The following OGFR variants were observed in gnomAD, a reference collection of about 807,000 sequenced individuals.
OGFR encodes the protein protein 7-60.
A neutral mutation model predicts 33.6 loss-of-function variants in OGFR; 18 were observed. That is an observed-to-expected ratio of 0.54 (90% CI 0.37 to 0.80). The LOEUF is 0.80. Among genes scored for constraint, OGFR ranks in the 30% least tolerant of loss-of-function variants. OGFR has a pLI of 0.00. For synonymous variants in OGFR, 370 were observed against 400.7 expected (o/e 0.92, Z 0.91); for missense variants, 877 against 955.8 (o/e 0.92, Z 1.09).
chr20:62,809,646 T>A lies in OGFR; in HGVS notation c.381T>A (p.Asn127Lys). ...WTDNYDLLED[N>K]HSYIQWLFPL... is the part of the protein sequence containing the mutation. The stretch of plus-strand genomic sequence containing the variant: ...ACAACTATGACCTCCTTGAGGACAA[T>A]CACTCCTACATCCAGTGGTGAGTTG... The change falls in exon 4 of 7, where the codon AAT becomes AAA. Residue 127 changes from asparagine to lysine, a missense_variant. Transcript: ENST00000290291. 1.3e-6 allele frequency: 2 copies of A among 1,538,304 alleles called. No homozygotes were observed. The highest frequency in any genetic ancestry group is 2.8e-5 in the East Asian group (1 of 36,264).
intron 3 of OGFR, among the ~76,000 whole-genome samples, chr20:62,808,999 A>T (rs1990662918): frequency 1.4e-5 from 2 of 144,610 alleles, no homozygotes; most frequent in African/African-American, 2.6e-5. Context: ...AAAAAAAAAA[A>T]AAAAGAACAG....
chr20:62,809,613 C>T lies in OGFR; in HGVS notation c.348C>T (p.Asn116=). 2 of 1,600,958 alleles carry T rather than the reference C, an allele frequency of 1.2e-6. No individual in the cohort carries two copies. Among genetic ancestry groups the T allele is most frequent in the Middle Eastern group, 1.7e-4 (1 of 5,986 alleles). ...NGCFIEDILQ[N]WTDNYDLLED... is the part of the protein sequence containing the mutation. ...GTTTCATTGAGGACATTCTTCAGAA[C>T]TGGACGGACAACTATGACCTCCTTG... The change falls in exon 4 of 7, where the codon AAC becomes AAT. Residue 116 remains asparagine, a synonymous_variant. Transcript: ENST00000290291.
Position 62,804,971 on chromosome 20 carries a change from G to T in OGFR, c.112G>T (p.Ala38Ser), listed in dbSNP as rs895562313. 8 of 1,488,800 alleles carry T rather than the reference G, an allele frequency of 5.4e-6. No homozygotes were observed. The highest frequency in any genetic ancestry group is 7.1e-6 in the Non-Finnish European group (8 of 1,120,504). The allele number at this position is 1,488,800 out of a possible 1,614,324, so 92.2% of individuals were successfully genotyped here. A position where few individuals can be genotyped will look rare whatever the true frequency, so the allele number is the denominator to read the frequency against. ...GGCCGCCGGCGCGAGGGACGCGGAC[G>T]CAGGGGACGAGGACGAGGAGTCGGA... ...GEAAGARDADAGDEDEESEEP... is the reference protein window; with the variant it reads ...GEAAGARDADSGDEDEESEEP... Residue 38 changes from alanine (A) to serine (S), a missense_variant, in exon 1 of 7, where the codon GCA (alanine) becomes TCA (serine). By Grantham distance (99) the Ala-to-Ser change is moderately conservative (BLOSUM62 1). This residue lies in a region of OGFR where 760 missense variants were observed against 736.0 expected (regional missense o/e 1.03). Transcript: ENST00000290291.
chr20:62,813,053 G>C lies in OGFR; in HGVS notation c.1438G>C (p.Ala480Pro). The C allele has an allele frequency of 6.3e-7, 1 of 1,585,682 alleles. No individual in the cohort carries two copies. Among genetic ancestry groups the C allele is most frequent in the Non-Finnish European group, 8.6e-7 (1 of 1,166,072 alleles). The change falls in exon 7 of 7, where the codon GCC (alanine) becomes CCC (proline). Residue 480 changes from alanine to proline, a missense_variant. Ala to Pro is a conservative substitution (Grantham distance 27). This residue lies in a region of OGFR where 760 missense variants were observed against 736.0 expected (regional missense o/e 1.03). Transcript: ENST00000290291. ...AVASGGAQTL[A>P]LAGSPAPSGH... ...GGCCAGTGGTGGTGCCCAGACCTTG[G>C]CCCTTGCCGGGTCCCCTGCCCCATC...
At chr20:62,808,527 G>A (rs1398958248) in intron 3 of OGFR, among the ~76,000 whole-genome samples, 1 of 152,160 alleles carries the variant, frequency 6.6e-6, no homozygotes. Flanking sequence ...GTCGGGGTGG[G>A]CTATCTCTGT....
At chr20:62,808,840 T>A (rs892811238) in intron 3 of OGFR, among the ~76,000 whole-genome samples, 3 of 151,790 alleles carry the variant, frequency 2.0e-5, no homozygotes, top group African/African-American at 7.3e-5. Flanking sequence ...CCAGGTGTGG[T>A]AGCGTGCGCC....
chr20:62,812,415 G>A lies in OGFR; in HGVS notation c.800G>A (p.Arg267His), dbSNP rs112458699. 1.0e-5 allele frequency: 16 copies of A among 1,579,502 alleles called. No individual in the cohort carries two copies. Among genetic ancestry groups the A allele is most frequent in the Non-Finnish European group, 1.4e-5 (16 of 1,163,834 alleles). The change falls in exon 7 of 7, where the codon CGC (arginine) becomes CAC (histidine). Residue 267 changes from arginine (R) to histidine (H), a missense_variant. Physicochemically the swap from Arg to His is conservative, Grantham distance 29 (BLOSUM62 0). This residue lies in a region of OGFR where 760 missense variants were observed against 736.0 expected (regional missense o/e 1.03). Coordinates refer to ENST00000290291, the MANE Select transcript of OGFR (RefSeq NM_007346.4). ...TTCGCCGTGCGCTGCCGACACCAGC[G>A]CCGCCAGCTGGTGCACTTCGCCTGG... is the stretch of plus-strand genomic sequence containing the variant. ...FMFAVRCRHQ[R>H]RQLVHFAWEH...
chr20:62,810,379 T>C (rs1282032140), intron 4 of OGFR, 120 bp from the exon 5 acceptor site: 3 of 924,924 alleles, frequency 3.2e-6, no homozygotes, highest in Non-Finnish European at 5.2e-6. Context: ...CACTCCCTCC[T>C]AGAGTTGAGC....
chr20:62,810,777 C>T (rs142639931), intron 5 of OGFR, among the ~76,000 whole-genome samples: 13 of 152,376 alleles, frequency 8.5e-5, no homozygotes, highest in Admixed American at 3.9e-4. Flanking sequence ...ACTCAATTTC[C>T]GAGGCTGTTT....
intron 1 of OGFR, 69 bp downstream of exon 1, chr20:62,805,099 AC>A (rs150868425): frequency 3.3e-5 from 39 of 1,186,044 alleles, no homozygotes; most frequent in Middle Eastern, 3.2e-4. Context: ...TGGACGGGAG[AC>A]CCCCCCATCC....
chr20:62,810,350 C>G lies in OGFR; in HGVS notation c.399-149C>G, dbSNP rs772018576. The G allele has an allele frequency of 4.4e-6, 3 of 684,052 alleles. No homozygotes were observed. In the Admixed American group the frequency reaches 6.6e-5, roughly 15 times the overall value. 42.4% of individuals were successfully genotyped at this position (684,052 alleles called of 1,614,324 possible). A position where few individuals can be genotyped will look rare whatever the true frequency, so the allele number is the denominator to read the frequency against. On this transcript the variant is annotated intron_variant, in intron 4 of 6. Transcript: ENST00000290291. ...TGCACGCTCACCTGAGCTCTCCCAC[C>G]CTCGCTCCTCCACCTAGCCACTCCC...
chr20:62,808,175 G>T (rs766846167), intron 2 of OGFR, 72 bp from the exon 3 acceptor site: 1 of 1,228,252 alleles, frequency 8.1e-7, no homozygotes, highest in South Asian at 1.2e-5. Flanking sequence ...GCGCCTCCCC[G>T]AAAGACACGG....
intron 3 of OGFR, among the ~76,000 whole-genome samples, chr20:62,809,016 A>G (rs527626222): frequency 1.2e-4 from 18 of 146,232 alleles, no homozygotes; most frequent in Middle Eastern, 7.4e-3. Context: ...ACAGTGTTCT[A>G]TTACTTTGAT....
chr20:62,809,535 GC>G, intron 3 of OGFR, 49 bp from the exon 4 acceptor site: 1 of 1,452,066 alleles, frequency 6.9e-7, no homozygotes, highest in Non-Finnish European at 9.7e-7. Flanking sequence ...GTCCTCCTGA[GC>G]ACGGGCAGGG....
Position 62,812,338 on chromosome 20 carries a change from G to A in OGFR, c.723G>A (p.Leu241=). 3 of 1,558,766 alleles carry A rather than the reference G, an allele frequency of 1.9e-6. No homozygotes were observed. Among genetic ancestry groups the A allele is most frequent in the Non-Finnish European group, 2.6e-6 (3 of 1,151,874 alleles). The part of the protein sequence containing the change: ...PLVRFFLEET[L]VRRELPGVRQ... ...TCCGCTTCTTCCTGGAGGAGACGCTGGTGCGGCGGGAGCTGCCGGGGGTGC... is the reference window on the plus strand; with the variant it reads ...TCCGCTTCTTCCTGGAGGAGACGCTAGTGCGGCGGGAGCTGCCGGGGGTGC... Residue 241 remains leucine, a synonymous_variant, in exon 7 of 7, where the codon CTG becomes CTA. Transcript: ENST00000290291.
At chr20:62,808,426 C>A in intron 3 of OGFR, 101 bp downstream of exon 3, 1 of 849,778 alleles carries the variant, frequency 1.2e-6, no homozygotes, top group South Asian at 1.5e-5. Context: ...ATTACCAGGG[C>A]CACGGCTTTC....
intron 4 of OGFR, among the ~76,000 whole-genome samples, chr20:62,810,140 C>T (rs1447312297): frequency 6.6e-6 from 1 of 152,112 alleles, no homozygotes; most frequent in Non-Finnish European, 1.5e-5. Flanking sequence ...CACAGGGAGC[C>T]TCTGCTGGTG....
Position 62,807,565 on chromosome 20 carries a change from G to A in OGFR, c.200G>A (p.Arg67Gln), listed in dbSNP as rs190940284. 3.9e-5 allele frequency: 63 copies of A among 1,613,098 alleles called. No individual in the cohort carries two copies. Among genetic ancestry groups the A allele is most frequent in the Non-Finnish European group, 4.0e-5 (47 of 1,179,872 alleles). The change falls in exon 2 of 7, where the codon CGA becomes CAA. Residue 67 changes from arginine (R) to glutamine (Q), a missense_variant. Physicochemically the swap from Arg to Gln is conservative, Grantham distance 43. Coordinates refer to ENST00000290291, the MANE Select transcript of OGFR (RefSeq NM_007346.4). ...AGAATGACAGGGTCCAGAAACTGGCGAGCCACGAGGGACATGTGTAGGTAT... is the reference window on the plus strand; with the variant it reads ...AGAATGACAGGGTCCAGAAACTGGCAAGCCACGAGGGACATGTGTAGGTAT... ...QSRMTGSRNW[R>Q]ATRDMCRYRH...
chr20:62,805,157 A>C (rs1442452822), intron 1 of OGFR, 127 bp downstream of exon 1: 27 of 597,152 alleles, frequency 4.5e-5, no homozygotes, highest in South Asian at 3.5e-4. Context: ...AGCCCCGGGG[A>C]CCCCCCCCCA....
Sources: gnomAD v4.1 joint callset for allele counts (sites outside exome capture counted in the v4.1 genomes callset) on GRCh38, gnomAD v4.1.1 for gene constraint, gnomAD v4.1.1 regional missense constraint, MANE v1.5 for transcripts, NCBI Gene and HGNC (gene_info 2026-07-23, HGNC 2026-07-21) for gene names.